STPG2: variants seen among roughly 807,000 people sequenced by gnomAD.
STPG2 encodes sperm-tail PG-rich repeat-containing protein 2.
In STPG2, 56 loss-of-function variants were observed where a neutral mutation model predicts 54.2. That is an observed-to-expected ratio of 1.03 (90% CI 0.83 to 1.29). The LOEUF is 1.29. Ranked by LOEUF, STPG2 falls within the 50% of genes most tolerant of loss-of-function variation. The pLI, the probability that STPG2 is intolerant of heterozygous loss-of-function variation, is 0.00. For missense variants in STPG2, 596 were observed against 544.9 expected (o/e 1.09, Z -0.93); for synonymous variants, 200 against 181.8 (o/e 1.10, Z -0.81).
chr4:98,101,863 C>G (rs549835994), intron 5 of STPG2, among the ~76,000 whole-genome samples: 80 of 136,740 alleles, frequency 5.9e-4, no homozygotes, highest in African/African-American at 2.1e-3. Flanking sequence ...ATTTCATTAT[C>G]TTCCCCCTCC....
At chr4:98,018,547 T>C (rs1736052680) in intron 5 of STPG2, among the ~76,000 whole-genome samples, 1 of 152,252 alleles carries the variant, frequency 6.6e-6, no homozygotes, top group African/African-American at 2.4e-5. Flanking sequence ...ATGGGATGGC[T>C]GGGTCAAATG....
intron 9 of STPG2, among the ~76,000 whole-genome samples, chr4:97,836,159 A>G (rs1728624463): frequency 6.6e-6 from 1 of 152,160 alleles, no homozygotes; most frequent in Middle Eastern, 3.4e-3. Flanking sequence ...GTCAAGTGCT[A>G]TCAAGCCACA....
At chr4:97,892,132 T>C (rs1383021851) in intron 8 of STPG2, among the ~76,000 whole-genome samples, 3 of 152,276 alleles carry the variant, frequency 2.0e-5, no homozygotes, top group Non-Finnish European at 4.4e-5. Flanking sequence ...CAATAAAATA[T>C]AGAGATATAA....
At chr4:98,125,415 T>C (rs1237925981) in intron 3 of STPG2, among the ~76,000 whole-genome samples, 1 of 152,158 alleles carries the variant, frequency 6.6e-6, no homozygotes, top group Non-Finnish European at 1.5e-5. Flanking sequence ...TCTCTTAACA[T>C]CAGGGCCCTC....
At position 97,900,829 on chromosome 4, in the gene STPG2, C is replaced by T. The variant is rs148638958; in HGVS notation, c.1044+43068G>A. 4.6e-3 allele frequency among the ~76,000 whole-genome samples: 707 copies of T among 152,058 alleles called. 6 individuals are homozygous for T. Among genetic ancestry groups the T allele is most frequent in the African/African-American group, 0.016 (676 of 41,534 alleles). ...GAAAAGATAACTGTTGGGTATTGGA[C>T]TTAATGCCTGGGTAACGAAATAATC... On this transcript the variant is annotated intron_variant, in intron 8 of 10. Coordinates refer to ENST00000295268, the MANE Select transcript of STPG2 (RefSeq NM_174952.3).
At chr4:97,462,077 T>C (rs951055506) in intron 4 of STPG2, among the ~76,000 whole-genome samples, 1 of 152,112 alleles carries the variant, frequency 6.6e-6, no homozygotes, top group African/African-American at 2.4e-5. Context: ...TTGATTTTTT[T>C]TTCATTCTTA....
chr4:97,945,719 G>T lies in STPG2; in HGVS notation c.934-1712C>A, dbSNP rs201952773. On this transcript the variant is annotated intron_variant, in intron 7 of 10. Coordinates refer to ENST00000295268, the MANE Select transcript of STPG2 (RefSeq NM_174952.3). Reference sequence around the variant, plus strand: ...TCTTTTCAAGACCCCAACATCTATTGTTTTTTTGGGTTTGTTTATTGGTTT... The same window carrying T: ...TCTTTTCAAGACCCCAACATCTATTTTTTTTTTGGGTTTGTTTATTGGTTT... Among the ~76,000 whole-genome samples the T allele has an allele frequency of 1.3e-4, 18 of 135,054 alleles. No homozygotes were observed. In the East Asian group the frequency reaches 2.7e-3, roughly 21 times the overall value. The allele number at this position is 135,054 out of a possible 152,430, so 88.6% of individuals were successfully genotyped here. A position where few individuals can be genotyped will look rare whatever the true frequency, so the allele number is the denominator to read the frequency against.
intron 10 of STPG2, among the ~76,000 whole-genome samples, chr4:97,634,673 T>C (rs1040949725): frequency 1.2e-4 from 18 of 151,298 alleles, no homozygotes; most frequent in African/African-American, 3.9e-4. Context: ...AAACCAAGGC[T>C]CGAGAACTAG....
At chr4:97,630,647 T>G (rs1721242795) in intron 10 of STPG2, among the ~76,000 whole-genome samples, 1 of 151,846 alleles carries the variant, frequency 6.6e-6, no homozygotes, top group Non-Finnish European at 1.5e-5. Flanking sequence ...AAATAAATAT[T>G]AGCTTTCTAC....
chr4:97,449,796 T>C (rs958681150), intron 4 of STPG2, among the ~76,000 whole-genome samples: 1 of 152,170 alleles, frequency 6.6e-6, no homozygotes, highest in Non-Finnish European at 1.5e-5. Context: ...GAGTTACAGG[T>C]TTAAAGTCAG....
intron 5 of STPG2, among the ~76,000 whole-genome samples, chr4:98,097,043 T>TA (rs1738880400): frequency 6.6e-6 from 1 of 152,012 alleles, no homozygotes; most frequent in South Asian, 2.1e-4. Flanking sequence ...TACCAAACAT[T>TA]AAAAGAAGAA....
At chr4:97,592,117 C>T (rs183644673) in intron 10 of STPG2, among the ~76,000 whole-genome samples, 9 of 152,108 alleles carry the variant, frequency 5.9e-5, no homozygotes, top group Non-Finnish European at 1.3e-4. Flanking sequence ...ATAGAAAAAT[C>T]GCCATCTTAA....
intron 5 of STPG2, among the ~76,000 whole-genome samples, chr4:98,035,678 A>C (rs556877725): frequency 3.3e-5 from 5 of 152,342 alleles, no homozygotes; most frequent in Admixed American, 2.0e-4. Context: ...TCACAATAGC[A>C]AAGACTTGGA....
chr4:97,694,575 G>A lies in STPG2; in HGVS notation c.1320+18124C>T, dbSNP rs1322107841. 6.6e-5 allele frequency among the ~76,000 whole-genome samples: 10 copies of A among 151,968 alleles called. No homozygotes were observed. The East Asian group carries it at 7.8e-4, about 12-fold the overall frequency. On this transcript the variant is annotated intron_variant, in intron 10 of 10. Transcript: ENST00000295268. ...TGTAATCCCAGCACTTTGGGAGGCC[G>A]AGGCGGGTGGATCATGAGGTCAGGA...
At chr4:97,793,370 T>C (rs536052245) in intron 9 of STPG2, among the ~76,000 whole-genome samples, 219 of 147,974 alleles carry the variant, frequency 1.5e-3, no homozygotes, top group Middle Eastern at 6.9e-3. Context: ...GTTTTATATA[T>C]ACACACACAC....
chr4:98,083,663 G>T (rs968900884), intron 5 of STPG2, among the ~76,000 whole-genome samples: 7 of 152,086 alleles, frequency 4.6e-5, no homozygotes, highest in African/African-American at 1.7e-4. Context: ...AAAAATCTAT[G>T]CCTTCTCACC....
intron 9 of STPG2, among the ~76,000 whole-genome samples, chr4:97,786,908 T>G (rs991923991): frequency 6.6e-6 from 1 of 152,138 alleles, no homozygotes; most frequent in Admixed American, 6.6e-5. Flanking sequence ...AATTTATAAA[T>G]TAAACTATAT....
chr4:97,758,272 A>T (rs993828621), intron 9 of STPG2, among the ~76,000 whole-genome samples: 1 of 152,180 alleles, frequency 6.6e-6, no homozygotes, highest in Non-Finnish European at 1.5e-5. Context: ...GGACTCTTAT[A>T]AAATAACAGA....
chr4:97,481,307 GT>G (rs1730215834), intron 4 of STPG2, among the ~76,000 whole-genome samples: 1 of 151,358 alleles, frequency 6.6e-6, no homozygotes, highest in Non-Finnish European at 1.5e-5. Context: ...TTGAAATTAA[GT>G]CCTAAATCTT....
Sources: allele counts gnomAD v4.1 joint callset (sites outside exome capture counted in the v4.1 genomes callset), GRCh38; gene constraint gnomAD v4.1.1; transcripts MANE v1.5; gene names NCBI Gene and HGNC (gene_info 2026-07-23, HGNC 2026-07-21).